The following MAGI1 variants were observed in gnomAD, a reference collection of about 807,000 sequenced individuals.
The protein encoded by MAGI1 is membrane associated guanylate kinase, WW and PDZ domain containing 1.
Under a neutral mutation model 139.9 loss-of-function variants are expected in MAGI1, and 58 were observed. That is an observed-to-expected ratio of 0.41 (90% CI 0.34 to 0.52). The LOEUF (loss-of-function observed/expected upper bound fraction) is 0.52, where lower values mean the gene tolerates loss of function less well. MAGI1 is among the 20% of genes least tolerant of loss of function. MAGI1 has a pLI of 0.12. For missense variants in MAGI1, 1,874 were observed against 1,901.6 expected, an observed-to-expected ratio of 0.99 and a Z score of 0.27; for synonymous variants, 812 against 737.9, an observed-to-expected ratio of 1.10 and a Z score of -1.63.
chr3:65,928,536 A>C (rs1391677352), intron 1 of MAGI1, among the ~76,000 whole-genome samples: 1 of 152,172 alleles, frequency 6.6e-6, no homozygotes, highest in Non-Finnish European at 1.5e-5. Context: ...TGAGGGCAGG[A>C]ATCTCAACTA....
intron 1 of MAGI1, among the ~76,000 whole-genome samples, chr3:65,747,677 T>C (rs1321663811): frequency 6.6e-6 from 1 of 152,160 alleles, no homozygotes; most frequent in Non-Finnish European, 1.5e-5. Context: ...GATTCATCAA[T>C]GGTAACAAAT....
At chr3:65,579,762 A>G (rs1002941507) in intron 2 of MAGI1, among the ~76,000 whole-genome samples, 2 of 150,714 alleles carry the variant, frequency 1.3e-5, no homozygotes, top group Admixed American at 1.3e-4. Context: ...CAGGAGAATC[A>G]CCTGAAACTG....
In MAGI1 at chr3:65,848,937, A is replaced by C. The variant is rs545220054; in HGVS notation, c.313+189059T>G. On this transcript the variant is annotated intron_variant, in intron 1 of 22. Coordinates refer to ENST00000402939, the MANE Select transcript of MAGI1 (RefSeq NM_001033057.2). ...TGGTTCTAGCCAGTGAGTTGTATGC[A>C]AAATGAAGCAAATCACTTGCACTCC... 1.1e-4 allele frequency among the ~76,000 whole-genome samples: 17 copies of C among 148,032 alleles called. No individual in the cohort carries two copies. The East Asian group carries it at 2.9e-3, about 25-fold the overall frequency.
Position 65,619,465 on chromosome 3 carries a change from C to T in MAGI1, c.430+2507G>A, listed in dbSNP as rs557659134. The stretch of plus-strand genomic sequence containing the variant: ...CACAGGGAAAGATGTCTACCCCCAC[C>T]ACAAGCACCTGTTCATGAGGTCACC... On this transcript the variant is annotated intron_variant, in intron 2 of 22. Coordinates refer to ENST00000402939, the MANE Select transcript of MAGI1 (RefSeq NM_001033057.2). Among the ~76,000 whole-genome samples the T allele has an allele frequency of 9.2e-5, 14 of 152,264 alleles. No individual in the cohort carries two copies. In the South Asian group the frequency reaches 2.9e-3, roughly 32 times the overall value.
At chr3:65,855,882 G>A (rs910616502) in intron 1 of MAGI1, among the ~76,000 whole-genome samples, 19 of 151,554 alleles carry the variant, frequency 1.3e-4, no homozygotes, top group South Asian at 2.1e-4. Flanking sequence ...CCTCACTTAC[G>A]CAACAGCTAG....
intron 1 of MAGI1, among the ~76,000 whole-genome samples, chr3:65,875,856 C>T (rs1238023472): frequency 1.3e-5 from 2 of 152,254 alleles, no homozygotes; most frequent in African/African-American, 4.8e-5. Context: ...TCCCTGAGAC[C>T]GCTGTTATCC....
At chr3:65,896,057 C>T (rs1296408231) in intron 1 of MAGI1, among the ~76,000 whole-genome samples, 1 of 152,098 alleles carries the variant, frequency 6.6e-6, no homozygotes, top group Non-Finnish European at 1.5e-5. Flanking sequence ...AGGACCAGCT[C>T]AATAGTACCT....
chr3:65,579,018 G>A (rs1255475202), intron 2 of MAGI1, among the ~76,000 whole-genome samples: 1 of 151,870 alleles, frequency 6.6e-6, no homozygotes, highest in Admixed American at 6.6e-5. Context: ...TTTTGCGGGG[G>A]AGGGGTGGGG....
intron 1 of MAGI1, among the ~76,000 whole-genome samples, chr3:65,954,125 A>C (rs2063997385): frequency 6.6e-6 from 1 of 152,152 alleles, no homozygotes; most frequent in Non-Finnish European, 1.5e-5. Flanking sequence ...ATCAGGGGGC[A>C]AAAAGTCAGG....
chr3:65,723,426 C>CA (rs2107697527), intron 1 of MAGI1, among the ~76,000 whole-genome samples: 1 of 152,248 alleles, frequency 6.6e-6, no homozygotes, highest in East Asian at 1.9e-4. Context: ...AGAAAGCTGA[C>CA]AATCTCTAGG....
At chr3:65,758,809 T>C (rs1270963937) in intron 1 of MAGI1, among the ~76,000 whole-genome samples, 1 of 152,138 alleles carries the variant, frequency 6.6e-6, no homozygotes, top group Non-Finnish European at 1.5e-5. Context: ...ATGAGGGCAG[T>C]GTTTCTCAAA....
intron 1 of MAGI1, among the ~76,000 whole-genome samples, chr3:66,034,562 A>G (rs2068810582): frequency 6.6e-6 from 1 of 152,228 alleles, no homozygotes; most frequent in Non-Finnish European, 1.5e-5. Context: ...TCCGAAGCAT[A>G]TACTAGGACG....
At chr3:65,921,256 G>T (rs1043691371) in intron 1 of MAGI1, among the ~76,000 whole-genome samples, 1 of 151,814 alleles carries the variant, frequency 6.6e-6, no homozygotes, top group South Asian at 2.1e-4. Flanking sequence ...AAAAAAAATT[G>T]ATTTGAGAAG....
intron 1 of MAGI1, among the ~76,000 whole-genome samples, chr3:65,939,637 C>T (rs1458563571): frequency 3.9e-5 from 6 of 152,106 alleles, no homozygotes; most frequent in African/African-American, 9.7e-5. Context: ...AATACCAGCT[C>T]GTACTTCTCC....
At chr3:65,442,752 GA>G in intron 8 of MAGI1, 39 bp downstream of exon 8, 2 of 1,434,106 alleles carry the variant, frequency 1.4e-6, no homozygotes, top group Admixed American at 1.7e-5. Flanking sequence ...TAATTATAGA[GA>G]GGTATAAACT....
At chr3:65,828,318 C>A (rs1341088292) in intron 1 of MAGI1, among the ~76,000 whole-genome samples, 1 of 152,210 alleles carries the variant, frequency 6.6e-6, no homozygotes, top group Non-Finnish European at 1.5e-5. Flanking sequence ...TGGAGCTGAA[C>A]TTTTATAGGA....
intron 1 of MAGI1, among the ~76,000 whole-genome samples, chr3:65,808,964 GA>G (rs1300824005): frequency 3.9e-5 from 6 of 152,196 alleles, no homozygotes; most frequent in Admixed American, 2.0e-4. Flanking sequence ...AATAAGGGGA[GA>G]TTTACGCTGG....
intron 2 of MAGI1, among the ~76,000 whole-genome samples, chr3:65,557,701 T>A (rs1012409788): frequency 6.6e-6 from 1 of 152,190 alleles, no homozygotes; most frequent in South Asian, 2.1e-4. Context: ...AGTCTCCTCA[T>A]CAGTTTTGTC....
intron 2 of MAGI1, among the ~76,000 whole-genome samples, chr3:65,571,511 C>T (rs1433542160): frequency 6.6e-6 from 1 of 151,998 alleles, no homozygotes; most frequent in Admixed American, 6.6e-5. Context: ...AATGAGTTCA[C>T]TAAATGTATC....
Sources: gnomAD v4.1 joint callset for allele counts (sites outside exome capture counted in the v4.1 genomes callset) on GRCh38, gnomAD v4.1.1 for gene constraint, MANE v1.5 for transcripts, NCBI Gene and HGNC (gene_info 2026-07-23, HGNC 2026-07-21) for gene names.